The following NPR3 variants were observed in gnomAD, a reference collection of about 807,000 sequenced individuals.
NPR3 encodes the protein atrial natriuretic peptide receptor 3.
Under a neutral mutation model 54.5 loss-of-function variants are expected in NPR3, and 34 were observed. That is an observed-to-expected ratio of 0.62 (90% CI 0.47 to 0.83). NPR3 has a LOEUF of 0.83. NPR3 is among the 40% of genes least tolerant of loss of function. NPR3 has a pLI of 0.00. For missense variants in NPR3, 674 were observed against 720.8 expected, an observed-to-expected ratio of 0.94 and a Z score of 0.74; for synonymous variants, 289 against 297.1, an observed-to-expected ratio of 0.97 and a Z score of 0.28.
In NPR3 at chr5:32,790,121, A is replaced by G. The variant is rs924423865; in HGVS notation, c.*3776A>G. 2.7e-5 allele frequency: 5 copies of G among 188,492 alleles called. No homozygotes were observed. 11.7% of individuals were successfully genotyped at this position (188,492 alleles called of 1,614,324 possible). ...TCAGTGGAAAAAACTGAAACTGTCT[A>G]AAAACACGGGATATATTTTAGAGGC... On this transcript the variant is annotated 3_prime_UTR_variant, in exon 8 of 8. Transcript: ENST00000265074.
chr5:32,769,176 T>C (rs897125457), intron 3 of NPR3, among the ~76,000 whole-genome samples: 9 of 152,224 alleles, frequency 5.9e-5, no homozygotes, highest in African/African-American at 2.2e-4. Flanking sequence ...TGGCAGTTGC[T>C]GCTGTGACCC....
Position 32,757,816 on chromosome 5 carries a change from A to G in NPR3, c.1060-16892A>G, listed in dbSNP as rs534321262. 5.3e-5 allele frequency among the ~76,000 whole-genome samples: 8 copies of G among 152,270 alleles called. No homozygotes were observed. The East Asian group carries it at 1.5e-3, about 29-fold the overall frequency. On this transcript the variant is annotated intron_variant, in intron 3 of 7. Transcript: ENST00000265074. Reference sequence around the variant, plus strand: ...TTGAGCGTTTTTAGCATGAAGGGCTATTGAATTTTGTCAAAGGCCTTTTCT... The same window carrying G: ...TTGAGCGTTTTTAGCATGAAGGGCTGTTGAATTTTGTCAAAGGCCTTTTCT...
intron 3 of NPR3, 21 bp from the exon 4 acceptor site, chr5:32,774,687 C>T (rs764777435): frequency 6.2e-7 from 1 of 1,600,366 alleles, no homozygotes; most frequent in South Asian, 1.1e-5. Flanking sequence ...TTGGTTCACC[C>T]ATCTGGGGTT....
intron 3 of NPR3, among the ~76,000 whole-genome samples, chr5:32,763,429 T>A (rs902867753): frequency 1.3e-5 from 2 of 152,022 alleles, no homozygotes; most frequent in African/African-American, 4.8e-5. Flanking sequence ...TTCAAACAAC[T>A]TTCCTGCTTC....
intron 3 of NPR3, among the ~76,000 whole-genome samples, chr5:32,758,029 C>T (rs997466205): frequency 4.0e-5 from 6 of 151,050 alleles, no homozygotes; most frequent in Admixed American, 2.6e-4. Context: ...ACTTTTGCAT[C>T]GATGTTCAGC....
intron 3 of NPR3, 23 bp from the exon 4 acceptor site, chr5:32,774,685 C>A: frequency 6.3e-7 from 1 of 1,598,898 alleles, no homozygotes; most frequent in African/African-American, 1.3e-5. Context: ...TTTTGGTTCA[C>A]CCATCTGGGG....
At position 32,693,336 on chromosome 5, in the gene NPR3, T is replaced by C. The variant is rs182937142; in HGVS notation, c.100+4150T>C. ...TGTTTCTTTAACTTCTTTAAATTCT[T>C]ATAAATTCTGTAAACTTTGCATTCT... On this transcript the variant is annotated intron_variant, in intron 1 of 5. Coordinates refer to the NPR3 transcript ENST00000509104. 1.9e-4 allele frequency among the ~76,000 whole-genome samples: 29 copies of C among 152,344 alleles called. No homozygotes were observed. In the East Asian group the frequency reaches 5.6e-3, roughly 29 times the overall value.
intron 3 of NPR3, among the ~76,000 whole-genome samples, chr5:32,770,552 TC>T (rs1319670412): frequency 6.6e-6 from 1 of 152,226 alleles, no homozygotes; most frequent in Non-Finnish European, 1.5e-5. Flanking sequence ...TGAATGATTT[TC>T]ATCTCGTTGA....
upstream of NPR3, among the ~76,000 whole-genome samples, chr5:32,705,013 TA>T (rs1362379917): frequency 3.3e-5 from 5 of 152,244 alleles, no homozygotes; most frequent in Non-Finnish European, 5.9e-5. Context: ...ATTTCAAAAT[TA>T]TTTTTTAACA....
chr5:32,718,652 C>T (rs577261058), intron 1 of NPR3, among the ~76,000 whole-genome samples: 18 of 152,200 alleles, frequency 1.2e-4, no homozygotes, highest in Non-Finnish European at 8.8e-5. Flanking sequence ...CTCTGTTTGT[C>T]TGTTAATGTT....
chr5:32,711,237 C>T (rs1017338160), upstream of NPR3: 1 of 322,300 alleles, frequency 3.1e-6, no homozygotes, highest in African/African-American at 2.9e-5. Flanking sequence ...GCTGGAAACA[C>T]AAGCCCGGCC....
chr5:32,710,560 T>C, upstream of NPR3: 1 of 1,333,420 alleles, frequency 7.5e-7, no homozygotes. Context: ...ACCGCTGCGA[T>C]TCCAGCGCAA....
rs1312559308 is a variant in NPR3, at chr5:32,789,826, T to C, written c.*3481T>C. 8.3e-6 allele frequency: 4 copies of C among 483,594 alleles called. No homozygotes were observed. The highest frequency in any genetic ancestry group is 4.2e-6 in the Non-Finnish European group (1 of 237,552). 30.0% of individuals were successfully genotyped at this position (483,594 alleles called of 1,614,324 possible). On this transcript the variant is annotated 3_prime_UTR_variant, in exon 8 of 8. Transcript: ENST00000265074. ...GGTTCCAGTGGCGTCACTACCTTCT[T>C]GTAAGCCAGTATACACTGGCTATTT...
rs143090906 is a variant in NPR3, at chr5:32,757,102, C to T, written c.1060-17606C>T. Reference sequence around the variant, plus strand: ...GGCAATGCCAGCTTTTTTCTGGTTCCATATGAACTTTAAAGTAGTTTTTTC... The same window carrying T: ...GGCAATGCCAGCTTTTTTCTGGTTCTATATGAACTTTAAAGTAGTTTTTTC... On this transcript the variant is annotated intron_variant, in intron 3 of 7. Transcript: ENST00000265074. Among the ~76,000 whole-genome samples, 91 of 152,276 alleles carry T rather than the reference C, an allele frequency of 6.0e-4. 1 individual carries two copies. The highest frequency in any genetic ancestry group is 2.0e-3 in the African/African-American group (85 of 41,538).
chr5:32,779,955 C>A (rs761696058), intron 4 of NPR3, among the ~76,000 whole-genome samples: 2 of 152,128 alleles, frequency 1.3e-5, no homozygotes, highest in Non-Finnish European at 2.9e-5. Flanking sequence ...GAGACTGAGG[C>A]TTAGAGGGCT....
At chr5:32,721,489 G>A (rs148155225) in intron 1 of NPR3, among the ~76,000 whole-genome samples, 48 of 152,210 alleles carry the variant, frequency 3.2e-4, no homozygotes, top group African/African-American at 9.9e-4. Context: ...CAAAAAGAAC[G>A]AAAATTAGCC....
chr5:32,745,561 T>C (rs1478236642), intron 3 of NPR3, among the ~76,000 whole-genome samples: 2 of 152,214 alleles, frequency 1.3e-5, no homozygotes, highest in African/African-American at 4.8e-5. Flanking sequence ...CTTTTTCCAC[T>C]ACATCAGTCT....
chr5:32,780,950 T>C, intron 5 of NPR3, 134 bp downstream of exon 5: 1 of 608,840 alleles, frequency 1.6e-6, no homozygotes, highest in Non-Finnish European at 2.9e-6. Flanking sequence ...ACCTCAACTT[T>C]TGATTGAGGG....
intron 1 of NPR3, among the ~76,000 whole-genome samples, chr5:32,696,466 G>T: frequency 6.6e-6 from 1 of 151,240 alleles, no homozygotes. Context: ...TTTTTGCTTA[G>T]GATAGCTTTG....
Sources: gnomAD v4.1 joint callset for allele counts (sites outside exome capture counted in the v4.1 genomes callset) on GRCh38, gnomAD v4.1.1 for gene constraint, MANE v1.5 for transcripts, NCBI Gene and HGNC (gene_info 2026-07-23, HGNC 2026-07-21) for gene names.